LPIN3: variants seen among roughly 807,000 people sequenced by gnomAD.
LPIN3 encodes the protein lipin 3.
A neutral mutation model predicts 94.7 loss-of-function variants in LPIN3; 82 were observed. The ratio of observed to expected loss-of-function variants is 0.87; its 90% CI spans 0.72 to 1.04. LPIN3 has a LOEUF of 1.04. LPIN3 is among the 50% of genes least tolerant of loss of function. The pLI, the probability that LPIN3 is intolerant of heterozygous loss-of-function variation, is 0.00. For synonymous variants in LPIN3, 418 were observed against 443.3 expected (o/e 0.94, Z 0.72); for missense variants, 996 against 1,090.5 (o/e 0.91, Z 1.22).
Position 41,358,256 on chromosome 20 carries a change from C to G in LPIN3, c.2212C>G (p.Pro738Ala), listed in dbSNP as rs1258998246. The change falls in exon 18 of 20, where the codon CCA becomes GCA. Residue 738 changes from proline (P) to alanine (A), a missense_variant. Pro to Ala is a conservative substitution (Grantham distance 27). Coordinates refer to ENST00000373257, the MANE Select transcript of LPIN3 (RefSeq NM_022896.3). ...CCCCAGAGAGGTGATCGAGAAGAAA[C>G]CAGAGGTGTTCAAGGTCGCCTGCCT... ...ALHREVIEKKPEVFKVACLSD... is the reference protein window; with the variant it reads ...ALHREVIEKKAEVFKVACLSD... 1 of 1,614,042 alleles carries G rather than the reference C, an allele frequency of 6.2e-7. No homozygotes were observed. The highest frequency in any genetic ancestry group is 8.5e-7 in the Non-Finnish European group (1 of 1,180,024).
chr20:41,345,602 G>A (rs1274919010), intron 1 of LPIN3, among the ~76,000 whole-genome samples, 194 bp from the exon 2 acceptor site: 1 of 152,248 alleles, frequency 6.6e-6, no homozygotes, highest in Non-Finnish European at 1.5e-5. Context: ...TCCCTTAGCA[G>A]GGCAGTGGGC....
chr20:41,342,791 G>C, intron 1 of LPIN3, among the ~76,000 whole-genome samples: 1 of 152,214 alleles, frequency 6.6e-6, no homozygotes, highest in Non-Finnish European at 1.5e-5. Flanking sequence ...GGGGAACAGA[G>C]AGAGGAGAGA....
intron 7 of LPIN3, 122 bp downstream of exon 7, chr20:41,350,519 C>A: frequency 1.3e-6 from 1 of 747,068 alleles, no homozygotes; most frequent in Non-Finnish European, 2.2e-6. Flanking sequence ...TTGGCACCAG[C>A]CTCATGAAGC....
chr20:41,355,244 C>T (rs1487782879), intron 13 of LPIN3, among the ~76,000 whole-genome samples: 4 of 152,190 alleles, frequency 2.6e-5, no homozygotes, highest in African/African-American at 9.7e-5. Context: ...AACTTCTGAC[C>T]TCAGGTGATC....
chr20:41,358,133 G>C, intron 17 of LPIN3, 99 bp downstream of exon 17: 10 of 1,582,300 alleles, frequency 6.3e-6, no homozygotes, highest in Non-Finnish European at 7.8e-6. Context: ...GCTCTCAGGT[G>C]GCAAGGAGGG....
intron 14 of LPIN3, 89 bp from the exon 15 acceptor site, chr20:41,356,951 G>A (rs1569009959): frequency 6.1e-6 from 9 of 1,481,952 alleles, no homozygotes; most frequent in Admixed American, 1.8e-5. Flanking sequence ...TGAGAGGCCC[G>A]AGGGGATCGG....
At chr20:41,356,870 A>T (rs1361951825) in intron 14 of LPIN3, among the ~76,000 whole-genome samples, 170 bp from the exon 15 acceptor site, 1 of 152,178 alleles carries the variant, frequency 6.6e-6, no homozygotes, top group East Asian at 1.9e-4. Context: ...CTCTGCCCAC[A>T]TGGATGTGTC....
chr20:41,351,749 G>C, intron 7 of LPIN3, 72 bp from the exon 8 acceptor site: 1 of 1,395,862 alleles, frequency 7.2e-7, no homozygotes, highest in East Asian at 2.3e-5. Flanking sequence ...AGAATTCAGA[G>C]TCAGAGGGCA....
rs775026698 is a variant in LPIN3 at position 41,348,805 on chromosome 20, A to G, written c.475A>G (p.Thr159Ala). The G allele has an allele frequency of 1.3e-5, 21 of 1,612,058 alleles. No individual in the cohort carries two copies. The highest frequency in any genetic ancestry group is 1.8e-5 in the Non-Finnish European group (21 of 1,179,180). Residue 159 changes from threonine to alanine, a missense_variant, in exon 4 of 20, where the codon ACT becomes GCT. By Grantham distance (58) the Thr-to-Ala change is moderately conservative. Transcript: ENST00000373257. ...CAAGCAGAAAGAGGATGCAGTGGCA[A>G]CTGATTCTAGTCCAGAGGAACTGGA... is the stretch of plus-strand genomic sequence containing the variant. ...KPKQKEDAVA[T>A]DSSPEELEAG...
At position 41,352,897 on chromosome 20, in the gene LPIN3, G is replaced by A. The variant is rs773313317; in HGVS notation, c.1527+30G>A. ...TGGTTAGAGCACCACTGCCCCTGCT[G>A]GGGAAGGTAGCCATAGACTCAGGGC... On this transcript the variant is annotated intron_variant, in intron 11 of 19. Coordinates refer to ENST00000373257, the MANE Select transcript of LPIN3 (RefSeq NM_022896.3). 6 of 1,611,282 alleles carry A rather than the reference G, an allele frequency of 3.7e-6. No homozygotes were observed. The African/African-American group carries it at 8.0e-5, about 22-fold the overall frequency.
intron 13 of LPIN3, 46 bp from the exon 14 acceptor site, chr20:41,355,850 G>C: frequency 6.2e-7 from 1 of 1,607,244 alleles, no homozygotes; most frequent in Non-Finnish European, 8.5e-7. Context: ...GGGAGTGAAG[G>C]CCCTTTGGCT....
intron 7 of LPIN3, among the ~76,000 whole-genome samples, chr20:41,350,794 C>G (rs906912960): frequency 6.6e-6 from 1 of 152,110 alleles, no homozygotes; most frequent in Non-Finnish European, 1.5e-5. Context: ...AGCTGGCGTG[C>G]CTTGAGCAAG....
At chr20:41,341,641 G>A (rs2045582297) in intron 1 of LPIN3, among the ~76,000 whole-genome samples, 1 of 152,204 alleles carries the variant, frequency 6.6e-6, no homozygotes, top group Non-Finnish European at 1.5e-5. Context: ...TGCTCGTTTT[G>A]CAAATAGTGG....
At chr20:41,346,596 C>G (rs2045786252) in intron 2 of LPIN3, among the ~76,000 whole-genome samples, 2 of 152,144 alleles carry the variant, frequency 1.3e-5, no homozygotes, top group African/African-American at 4.8e-5. Flanking sequence ...GAAAAATTAG[C>G]CGGGTGTGGT....
chr20:41,356,250 C>T (rs553280467), intron 14 of LPIN3, among the ~76,000 whole-genome samples: 4 of 152,274 alleles, frequency 2.6e-5, no homozygotes, highest in African/African-American at 4.8e-5. Flanking sequence ...TGTCAGACAC[C>T]GGGAAAGCTG....
At position 41,350,043 on chromosome 20, in the gene LPIN3, GTTCCACTA is replaced by G; in HGVS notation, c.760-11_760-4del. The G allele has an allele frequency of 1.3e-6, 2 of 1,580,592 alleles. No homozygotes were observed. The highest frequency in any genetic ancestry group is 1.7e-6 in the Non-Finnish European group (2 of 1,159,484). On this transcript the variant is annotated splice_region_variant and splice_polypyrimidine_tract_variant and intron_variant, in intron 6 of 19. Transcript: ENST00000373257. ...CCCTGGCCCACATCTTCCTCCATTT[GTTCCACTA>G]AAGGTGGCCAGAGCTGAGCGGCCCG...
chr20:41,341,066 G>A (rs1340328209), intron 1 of LPIN3, 64 bp downstream of exon 1: 1 of 152,202 alleles, frequency 6.6e-6, no homozygotes, highest in Non-Finnish European at 1.5e-5. Context: ...CATCTGTCCT[G>A]CCATCCTACA....
intron 1 of LPIN3, among the ~76,000 whole-genome samples, chr20:41,344,171 C>T (rs2045688574): frequency 6.6e-6 from 1 of 152,238 alleles, no homozygotes; most frequent in African/African-American, 2.4e-5. Context: ...GATGCTGATG[C>T]TGATGTTTGT....
At position 41,345,935 on chromosome 20, in the gene LPIN3, G is replaced by C; in HGVS notation, c.132G>C (p.Arg44=). Residue 44 remains arginine, a synonymous_variant, in exon 2 of 20, where the codon CGG becomes CGC. Coordinates refer to ENST00000373257, the MANE Select transcript of LPIN3 (RefSeq NM_022896.3). ...LVVKQVDGSF[R]CSPFHVRFGK... ...TGAAGCAGGTGGACGGCTCGTTCCG[G>C]TGCTCACCCTTCCACGTGCGTTTTG... 6.2e-7 allele frequency: 1 copy of C among 1,614,170 alleles called. No homozygotes were observed. Among genetic ancestry groups the C allele is most frequent in the Non-Finnish European group, 8.5e-7 (1 of 1,180,032 alleles).
Sources: gnomAD v4.1 joint callset for allele counts (sites outside exome capture counted in the v4.1 genomes callset) on GRCh38, gnomAD v4.1.1 for gene constraint, MANE v1.5 for transcripts, NCBI Gene and HGNC (gene_info 2026-07-23, HGNC 2026-07-21) for gene names.